PSMD14: variants seen among roughly 807,000 people sequenced by gnomAD.
PSMD14 encodes proteasome 26S subunit, non-ATPase 14.
In PSMD14, 7 loss-of-function variants were observed where a neutral mutation model predicts 41.2. The observed-to-expected ratio is 0.17, with a 90% CI of 0.10 to 0.32. The LOEUF (loss-of-function observed/expected upper bound fraction) is 0.32, where lower values mean the gene tolerates loss of function less well. Among genes scored for constraint, PSMD14 ranks in the 10% least tolerant of loss-of-function variants. The pLI is 1.00. For synonymous variants in PSMD14, 114 were observed against 122.3 expected, an observed-to-expected ratio of 0.93 and a Z score of 0.45; for missense variants, 139 against 375.6, an observed-to-expected ratio of 0.37 and a Z score of 5.21.
At chr2:161,309,358 A>G (rs1301869512) in intron 1 of PSMD14, among the ~76,000 whole-genome samples, 1 of 152,228 alleles carries the variant, frequency 6.6e-6, no homozygotes, top group Non-Finnish European at 1.5e-5. Flanking sequence ...GAGAAAATAA[A>G]TGGTAATATA....
At chr2:161,384,107 C>G (rs1683603857) in intron 7 of PSMD14, 1 of 151,508 alleles carries the variant, frequency 6.6e-6, no homozygotes, top group Admixed American at 6.6e-5. Context: ...ACTATTAATT[C>G]ATGTTCTGGG....
At chr2:161,311,346 G>A (rs374126869) in intron 1 of PSMD14, among the ~76,000 whole-genome samples, 13 of 151,936 alleles carry the variant, frequency 8.6e-5, no homozygotes, top group African/African-American at 2.7e-4. Flanking sequence ...TATTGAACAT[G>A]TATAGACATT....
chr2:161,318,362 G>C (rs1217644905), intron 2 of PSMD14, among the ~76,000 whole-genome samples: 1 of 152,084 alleles, frequency 6.6e-6, no homozygotes, highest in Non-Finnish European at 1.5e-5. Context: ...TAACTGACAA[G>C]CTGTAAGTTA....
At chr2:161,328,650 A>G (rs541027869) in intron 3 of PSMD14, among the ~76,000 whole-genome samples, 20 of 152,144 alleles carry the variant, frequency 1.3e-4, no homozygotes, top group Non-Finnish European at 2.4e-4. Context: ...AAAGAGTCAC[A>G]TGTACCTGTT....
chr2:161,334,675 T>A (rs1171821081), intron 3 of PSMD14, among the ~76,000 whole-genome samples: 1 of 152,232 alleles, frequency 6.6e-6, no homozygotes, highest in Admixed American at 6.5e-5. Context: ...AGAATAGAAT[T>A]TTCCCTTCTT....
intron 11 of PSMD14, chr2:161,409,645 T>C (rs1574145953): frequency 6.6e-6 from 1 of 152,074 alleles, no homozygotes; most frequent in Non-Finnish European, 1.5e-5. Context: ...GGGAAATCTC[T>C]AAGAATCACC....
At chr2:161,347,915 CAGTG>C (rs900419328) in intron 3 of PSMD14, among the ~76,000 whole-genome samples, 7 of 152,178 alleles carry the variant, frequency 4.6e-5, no homozygotes, top group African/African-American at 1.7e-4. Context: ...AAAAAGCAAA[CAGTG>C]AGCTACGGCT....
intron 6 of PSMD14, 101 bp from the exon 7 acceptor site, chr2:161,371,071 A>C: frequency 7.6e-7 from 1 of 1,309,964 alleles, no homozygotes; most frequent in South Asian, 1.6e-5. Flanking sequence ...TGTGTTTTTC[A>C]TCTCTTCTTA....
At chr2:161,360,758 C>T (rs1246352528) in intron 3 of PSMD14, among the ~76,000 whole-genome samples, 1 of 151,840 alleles carries the variant, frequency 6.6e-6, no homozygotes, top group African/African-American at 2.4e-5. Flanking sequence ...GGATGGTCTC[C>T]ATCTCCTGAC....
intron 1 of PSMD14, among the ~76,000 whole-genome samples, chr2:161,315,944 C>T (rs937543878): frequency 3.3e-5 from 5 of 149,468 alleles, no homozygotes; most frequent in African/African-American, 9.9e-5. Flanking sequence ...GGGGTTCAAG[C>T]GATTCTCCTG....
In PSMD14 at chr2:161,372,091, C is replaced by T. The variant is rs748588584; in HGVS notation, c.462+769C>T. On this transcript the variant is annotated intron_variant, in intron 7 of 11. Coordinates refer to ENST00000409682, the MANE Select transcript of PSMD14 (RefSeq NM_005805.6). Reference sequence around the variant, plus strand: ...CTGTCTGCAAATGTGAGAGGCAATTCGATTTTGCTCAACCACAGGGAGAGT... The same window carrying T: ...CTGTCTGCAAATGTGAGAGGCAATTTGATTTTGCTCAACCACAGGGAGAGT... Among the ~76,000 whole-genome samples the T allele has an allele frequency of 1.1e-3, 161 of 151,860 alleles. 1 individual carries two copies. Among genetic ancestry groups the T allele is most frequent in the Middle Eastern group, 3.4e-3 (1 of 294 alleles).
At chr2:161,340,790 A>C (rs1682942127) in intron 3 of PSMD14, 1 of 1,613,394 alleles carries the variant, frequency 6.2e-7, no homozygotes, top group South Asian at 1.1e-5. Context: ...AAAAGCCTTT[A>C]GGAGGACGCT....
chr2:161,336,575 T>C (rs1682873741), intron 3 of PSMD14, among the ~76,000 whole-genome samples: 1 of 152,162 alleles, frequency 6.6e-6, no homozygotes, highest in African/African-American at 2.4e-5. Context: ...ATTTATTTAT[T>C]TATTTATTCA....
chr2:161,312,921 G>T (rs1162559107), intron 1 of PSMD14, among the ~76,000 whole-genome samples: 5 of 152,252 alleles, frequency 3.3e-5, no homozygotes, highest in African/African-American at 7.2e-5. Flanking sequence ...CAAACTATGT[G>T]AGGAAGAAGG....
At chr2:161,358,605 A>G (rs1683240780) in intron 3 of PSMD14, among the ~76,000 whole-genome samples, 1 of 152,066 alleles carries the variant, frequency 6.6e-6, no homozygotes, top group African/African-American at 2.4e-5. Flanking sequence ...ATTTCCCCTC[A>G]CTGAAACCCT....
At chr2:161,378,494 CTTTT>C (rs760702275) in intron 7 of PSMD14, among the ~76,000 whole-genome samples, 2 of 150,742 alleles carry the variant, frequency 1.3e-5, no homozygotes, top group Non-Finnish European at 3.0e-5. Flanking sequence ...CAAAAGTGCT[CTTTT>C]TTTTTGAGGT....
intron 3 of PSMD14, among the ~76,000 whole-genome samples, chr2:161,359,556 A>G (rs1211193622): frequency 1.3e-5 from 2 of 152,082 alleles, no homozygotes; most frequent in Non-Finnish European, 2.9e-5. Context: ...ATTAGTATCT[A>G]TACAGTGTAT....
chr2:161,337,717 T>C (rs184642641), intron 3 of PSMD14, among the ~76,000 whole-genome samples: 1 of 152,332 alleles, frequency 6.6e-6, no homozygotes, highest in Non-Finnish European at 1.5e-5. Flanking sequence ...TAGTATATTT[T>C]TCAAAGTGTA....
At chr2:161,317,880 A>AT (rs1194040916) in intron 2 of PSMD14, among the ~76,000 whole-genome samples, 4 of 152,128 alleles carry the variant, frequency 2.6e-5, no homozygotes, top group Admixed American at 2.0e-4. Flanking sequence ...GGACATAGCG[A>AT]TTTTCAAGTA....
Sources: allele counts gnomAD v4.1 joint callset (sites outside exome capture counted in the v4.1 genomes callset), GRCh38; gene constraint gnomAD v4.1.1; transcripts MANE v1.5; gene names NCBI Gene and HGNC (gene_info 2026-07-23, HGNC 2026-07-21).